The following MED30 variants were observed in gnomAD, a reference collection of about 807,000 sequenced individuals.
MED30 encodes mediator complex subunit 30.
A neutral mutation model predicts 21.7 loss-of-function variants in MED30; 8 were observed. The ratio of observed to expected loss-of-function variants is 0.37; its 90% CI spans 0.22 to 0.67. The LOEUF (loss-of-function observed/expected upper bound fraction) is 0.67. Ranked by LOEUF, MED30 falls within the 30% of genes least tolerant of loss-of-function variation. The pLI is 0.58. For missense variants in MED30, 203 were observed against 228.2 expected, an observed-to-expected ratio of 0.89 and a Z score of 0.71; for synonymous variants, 79 against 86.7, an observed-to-expected ratio of 0.91 and a Z score of 0.49.
chr8:117,537,413 A>C (rs981914532), intron 3 of MED30, among the ~76,000 whole-genome samples: 3 of 152,178 alleles, frequency 2.0e-5, no homozygotes, highest in East Asian at 3.8e-4. Context: ...AATAAGCATA[A>C]GTGTCAGCTT....
intron 3 of MED30, among the ~76,000 whole-genome samples, chr8:117,531,355 C>T (rs1818790041): frequency 6.6e-6 from 1 of 152,068 alleles, no homozygotes; most frequent in Middle Eastern, 3.4e-3. Flanking sequence ...TCAGTTCATT[C>T]TGGGGATGGA....
intron 3 of MED30, among the ~76,000 whole-genome samples, chr8:117,537,366 T>TATC (rs906332179): frequency 2.0e-5 from 3 of 152,220 alleles, no homozygotes; most frequent in African/African-American, 7.2e-5. Flanking sequence ...TTAAATCCTA[T>TATC]ATCGTGTCAT....
At position 117,528,608 on chromosome 8, in the gene MED30, T is replaced by C. The variant is rs754605962; in HGVS notation, c.178-43T>C. ...TTACTTATAGAAAATCTTGATTTTT[T>C]TTTCATTACTTGATATTTTTATTCT... On this transcript the variant is annotated intron_variant, in intron 1 of 3. Coordinates refer to ENST00000297347, the MANE Select transcript of MED30 (RefSeq NM_080651.4). 3 of 1,501,682 alleles carry C rather than the reference T, an allele frequency of 2.0e-6. No homozygotes were observed. The African/African-American group carries it at 4.2e-5, about 21-fold the overall frequency. 93.0% of individuals were successfully genotyped at this position (1,501,682 alleles called of 1,614,324 possible). A position where few individuals can be genotyped will look rare whatever the true frequency, so the allele number is the denominator to read the frequency against.
intron 1 of MED30, chr8:117,523,300 C>T: frequency 3.8e-6 from 5 of 1,328,952 alleles, no homozygotes; most frequent in South Asian, 1.2e-5. Context: ...ACCAAATCCG[C>T]CTCTAAACTG....
chr8:117,529,944 A>G (rs1317549345), intron 2 of MED30, among the ~76,000 whole-genome samples: 1 of 151,952 alleles, frequency 6.6e-6, no homozygotes, highest in Non-Finnish European at 1.5e-5. Context: ...GAGTTTATAT[A>G]TATCCCAAGA....
intron 3 of MED30, among the ~76,000 whole-genome samples, chr8:117,535,246 T>G (rs1215779584): frequency 6.7e-6 from 1 of 148,502 alleles, no homozygotes; most frequent in Non-Finnish European, 1.5e-5. Context: ...ATACTTTTTT[T>G]TTTTTTTTTT....
At chr8:117,534,145 C>G (rs953132510) in intron 3 of MED30, among the ~76,000 whole-genome samples, 3 of 151,994 alleles carry the variant, frequency 2.0e-5, no homozygotes, top group Admixed American at 6.6e-5. Flanking sequence ...GAGATGGTCT[C>G]TGTCTGTGGT....
At chr8:117,538,333 T>A in intron 3 of MED30, among the ~76,000 whole-genome samples, 1 of 152,212 alleles carries the variant, frequency 6.6e-6, no homozygotes, top group Admixed American at 6.5e-5. Context: ...TCTTTTCAAA[T>A]GTGAATTAAA....
chr8:117,523,210 G>GTTTTT, intron 1 of MED30: 1 of 628,394 alleles, frequency 1.6e-6, no homozygotes, highest in Non-Finnish European at 2.6e-6. Context: ...TTTTTTTTAA[G>GTTTTT]TTTTTTTTTT....
At chr8:117,524,338 G>C (rs1167345915) in intron 1 of MED30, among the ~76,000 whole-genome samples, 1 of 152,114 alleles carries the variant, frequency 6.6e-6, no homozygotes, top group African/African-American at 2.4e-5. Flanking sequence ...TGATCTACGA[G>C]AGTAAAGTGC....
At chr8:117,523,139 CA>C in intron 1 of MED30, 5 of 599,272 alleles carry the variant, frequency 8.3e-6, no homozygotes, top group South Asian at 1.9e-5. Flanking sequence ...TAAACTTTTT[CA>C]AAAAAAGTAT....
chr8:117,528,893 GT>G, intron 2 of MED30, 84 bp downstream of exon 2: 2 of 1,137,122 alleles, frequency 1.8e-6, no homozygotes, highest in South Asian at 2.3e-5. Context: ...TCTCTCTCCT[GT>G]TTTAGCAATA....
At chr8:117,522,707 T>C (rs1190810618) in intron 1 of MED30, among the ~76,000 whole-genome samples, 1 of 151,994 alleles carries the variant, frequency 6.6e-6, no homozygotes, top group Non-Finnish European at 1.5e-5. Context: ...TTCGTGGAAA[T>C]TTTTAAGACC....
At chr8:117,524,038 G>T in intron 1 of MED30, 1 of 179,494 alleles carries the variant, frequency 5.6e-6, no homozygotes, top group Admixed American at 5.5e-5. Flanking sequence ...ATGGCAATAC[G>T]TTTCTTCTTA....
intron 1 of MED30, among the ~76,000 whole-genome samples, chr8:117,524,302 C>T (rs1227848304): frequency 1.3e-5 from 2 of 152,188 alleles, no homozygotes; most frequent in Non-Finnish European, 1.5e-5. Flanking sequence ...TTAGTATTCA[C>T]ATTTTAAAGT....
chr8:117,533,774 GGAATGCTGGC>G (rs1818825760), intron 3 of MED30, among the ~76,000 whole-genome samples: 1 of 152,168 alleles, frequency 6.6e-6, no homozygotes, highest in South Asian at 2.1e-4. Context: ...AGGTCTGGAT[GGAATGCTGGC>G]TAGGCCTGCT....
At chr8:117,535,968 CAAT>C (rs1818872901) in intron 3 of MED30, among the ~76,000 whole-genome samples, 1 of 151,724 alleles carries the variant, frequency 6.6e-6, no homozygotes. Flanking sequence ...AAATGATTGG[CAAT>C]AATTTTTGTT....
intron 1 of MED30, among the ~76,000 whole-genome samples, chr8:117,528,125 A>T (rs1265294490): frequency 1.3e-5 from 2 of 151,812 alleles, no homozygotes; most frequent in Non-Finnish European, 2.9e-5. Context: ...TTTTAAGTAA[A>T]ACTTTAAATG....
intron 3 of MED30, 31 bp downstream of exon 3, chr8:117,530,858 T>C: frequency 1.3e-6 from 2 of 1,497,658 alleles, no homozygotes; most frequent in Non-Finnish European, 1.8e-6. Context: ...TTTTATGTTT[T>C]AGAGTTATTG....
Sources: gnomAD v4.1 joint callset for allele counts (sites outside exome capture counted in the v4.1 genomes callset) on GRCh38, gnomAD v4.1.1 for gene constraint, MANE v1.5 for transcripts, NCBI Gene and HGNC (gene_info 2026-07-23, HGNC 2026-07-21) for gene names.